Variants in EPHA3 observed in about 807,000 individuals in gnomAD.
EPHA3 encodes the protein ephrin type-A receptor 3.
In EPHA3, 42 loss-of-function variants were observed where a neutral mutation model predicts 107.1. That is an observed-to-expected ratio of 0.39 (90% CI 0.31 to 0.51). The LOEUF (loss-of-function observed/expected upper bound fraction) is 0.51. Among genes scored for constraint, EPHA3 ranks in the 20% least tolerant of loss-of-function variants. The pLI, the probability that EPHA3 is intolerant of heterozygous loss-of-function variation, is 0.78. For synonymous variants in EPHA3, 461 were observed against 424.8 expected, an observed-to-expected ratio of 1.09 and a Z score of -1.05; for missense variants, 1,183 against 1,211.2, an observed-to-expected ratio of 0.98 and a Z score of 0.35.
At chr3:89,396,633 T>A (rs1708856918) in intron 6 of EPHA3, among the ~76,000 whole-genome samples, 2 of 152,202 alleles carry the variant, frequency 1.3e-5, no homozygotes, top group South Asian at 4.1e-4. Context: ...TAACTCATTT[T>A]TTTTCTGGTT....
At chr3:89,407,701 C>T (rs1342463077) in intron 8 of EPHA3, among the ~76,000 whole-genome samples, 1 of 152,106 alleles carries the variant, frequency 6.6e-6, no homozygotes, top group Admixed American at 6.6e-5. Flanking sequence ...CACTTTCTCA[C>T]CCAGAACAGG....
chr3:89,410,313 A>G (rs927875415), intron 9 of EPHA3, among the ~76,000 whole-genome samples: 3 of 151,986 alleles, frequency 2.0e-5, no homozygotes, highest in African/African-American at 7.2e-5. Flanking sequence ...ATAGGTATCC[A>G]TCATACATAT....
intron 5 of EPHA3, among the ~76,000 whole-genome samples, chr3:89,388,944 T>C (rs1285840701): frequency 3.9e-5 from 6 of 152,128 alleles, no homozygotes. Flanking sequence ...ATTCTGAAAA[T>C]ATTAAGCTGA....
intron 5 of EPHA3, among the ~76,000 whole-genome samples, chr3:89,351,570 C>T (rs1193115109): frequency 1.3e-5 from 2 of 150,910 alleles, no homozygotes; most frequent in Admixed American, 1.3e-4. Context: ...CAGAAATCAC[C>T]CGTCTTCTGC....
intron 7 of EPHA3, chr3:89,399,776 G>A (rs1287996466): frequency 1.7e-6 from 2 of 1,147,790 alleles, no homozygotes; most frequent in East Asian, 3.9e-5. Context: ...ATTTAATATA[G>A]TAACACACTT....
chr3:89,386,022 G>C (rs59493229), intron 5 of EPHA3, among the ~76,000 whole-genome samples: 2,325 of 152,266 alleles, frequency 0.015, 44 homozygotes, highest in African/African-American at 0.053. Context: ...GAGATCAGCA[G>C]AACTCTAAAC....
intron 7 of EPHA3, chr3:89,399,688 A>C: frequency 8.0e-7 from 1 of 1,255,094 alleles, no homozygotes; most frequent in Non-Finnish European, 1.0e-6. Flanking sequence ...TTTTTCTTGT[A>C]TGCAAATCAA....
At chr3:89,379,769 T>C (rs1708465530) in intron 5 of EPHA3, among the ~76,000 whole-genome samples, 1 of 152,210 alleles carries the variant, frequency 6.6e-6, no homozygotes, top group South Asian at 2.1e-4. Context: ...AAATTATTCT[T>C]ATTTTCTGAA....
chr3:89,118,132 A>G (rs1014798542), intron 1 of EPHA3, among the ~76,000 whole-genome samples: 11 of 152,020 alleles, frequency 7.2e-5, no homozygotes, highest in Admixed American at 6.6e-5. Context: ...ACTCATTTAC[A>G]TTCGATAACT....
intron 5 of EPHA3, among the ~76,000 whole-genome samples, chr3:89,361,353 A>T (rs1708086600): frequency 6.6e-6 from 1 of 150,950 alleles, no homozygotes. Context: ...ACAGAACCAC[A>T]GATGTTCAGT....
At chr3:89,185,390 T>C (rs1170570523) in intron 2 of EPHA3, among the ~76,000 whole-genome samples, 5 of 152,072 alleles carry the variant, frequency 3.3e-5, no homozygotes, top group Non-Finnish European at 5.9e-5. Context: ...TGGCTACTTA[T>C]GTAGAAAGGA....
chr3:89,377,510 A>G (rs1708424482), intron 5 of EPHA3, among the ~76,000 whole-genome samples: 1 of 152,134 alleles, frequency 6.6e-6, no homozygotes, highest in African/African-American at 2.4e-5. Context: ...GGTATAACAT[A>G]GATTCATAGA....
chr3:89,160,642 G>T (rs1057411661), intron 2 of EPHA3, among the ~76,000 whole-genome samples: 1 of 149,566 alleles, frequency 6.7e-6, no homozygotes, highest in African/African-American at 2.5e-5. Context: ...GGATCATGTT[G>T]TACAGCAAAC....
At position 89,475,382 on chromosome 3, in the gene EPHA3, C is replaced by A. The variant is rs1231610284; in HGVS notation, c.2846+2763C>A. The stretch of plus-strand genomic sequence containing the variant: ...GATCCTCCTAGAATAGAAAAAGATA[C>A]CTTTATTCCTATTCAGGCTGTCAAA... On this transcript the variant is annotated intron_variant, in intron 16 of 16. Coordinates refer to ENST00000336596, the MANE Select transcript of EPHA3 (RefSeq NM_005233.6). 2.6e-5 allele frequency among the ~76,000 whole-genome samples: 4 copies of A among 152,020 alleles called. No homozygotes were observed. The East Asian group carries it at 5.8e-4, about 22-fold the overall frequency.
intron 2 of EPHA3, among the ~76,000 whole-genome samples, chr3:89,178,177 A>G (rs1337916091): frequency 1.3e-5 from 2 of 152,134 alleles, no homozygotes; most frequent in South Asian, 2.1e-4. Context: ...TGGCATGATG[A>G]TTCTAAAACA....
intron 13 of EPHA3, among the ~76,000 whole-genome samples, chr3:89,435,649 G>A (rs6783330): frequency 6.8e-6 from 1 of 146,630 alleles, no homozygotes; most frequent in Non-Finnish European, 1.5e-5. Context: ...ATATATGTGT[G>A]TATATGTATT....
At chr3:89,399,826 G>T in intron 7 of EPHA3, 1 of 1,094,230 alleles carries the variant, frequency 9.1e-7, no homozygotes, top group South Asian at 4.4e-5. Context: ...TTCATTGCGT[G>T]ATTCAATGAA....
intron 13 of EPHA3, among the ~76,000 whole-genome samples, chr3:89,436,159 G>T (rs1249161983): frequency 6.6e-6 from 1 of 151,420 alleles, no homozygotes; most frequent in Non-Finnish European, 1.5e-5. Context: ...AAAGGAAGAA[G>T]AAAAGAAAAA....
intron 3 of EPHA3, among the ~76,000 whole-genome samples, chr3:89,329,674 T>C (rs1306179199): frequency 2.6e-5 from 4 of 152,138 alleles, no homozygotes; most frequent in African/African-American, 9.7e-5. Flanking sequence ...TCTCTATATT[T>C]ATAAATTAAC....
Sources: gnomAD v4.1 joint callset for allele counts (sites outside exome capture counted in the v4.1 genomes callset) on GRCh38, gnomAD v4.1.1 for gene constraint, MANE v1.5 for transcripts, NCBI Gene and HGNC (gene_info 2026-07-23, HGNC 2026-07-21) for gene names.